Variants in TAFA1 observed in about 807,000 individuals in gnomAD.
The protein encoded by TAFA1 is TAFA chemokine like family member 1.
TAFA1 carries 4 observed loss-of-function variants against 18.5 expected under a neutral mutation model. The observed-to-expected ratio is 0.22, with a 90% confidence interval of 0.11 to 0.49. The LOEUF is 0.49. TAFA1 is among the 20% of genes least tolerant of loss of function. The pLI is 0.98. For synonymous variants in TAFA1, 56 were observed against 55.2 expected (o/e 1.01, Z -0.06); for missense variants, 147 against 169.0 (o/e 0.87, Z 0.72).
chr3:68,498,418 G>C (rs1390292101), intron 3 of TAFA1, among the ~76,000 whole-genome samples: 2 of 152,128 alleles, frequency 1.3e-5, no homozygotes, highest in Admixed American at 6.6e-5. Context: ...TTAAACGTAA[G>C]CTGGGGGCTA....
intron 2 of TAFA1, among the ~76,000 whole-genome samples, chr3:68,383,991 G>T (rs924445576): frequency 6.6e-6 from 1 of 151,826 alleles, no homozygotes; most frequent in Admixed American, 6.6e-5. Flanking sequence ...TTTTCTGATG[G>T]TTGTTTGTAT....
intron 2 of TAFA1, among the ~76,000 whole-genome samples, chr3:68,171,001 T>C (rs2066046209): frequency 6.6e-6 from 1 of 152,154 alleles, no homozygotes; most frequent in South Asian, 2.1e-4. Context: ...GGAAGTATGA[T>C]AGGCAGAATA....
chr3:68,129,346 G>A (rs1433449303), intron 2 of TAFA1, among the ~76,000 whole-genome samples: 1 of 152,172 alleles, frequency 6.6e-6, no homozygotes, highest in Non-Finnish European at 1.5e-5. Context: ...TTTAAAAAGA[G>A]CTGTATTGTA....
intron 2 of TAFA1, among the ~76,000 whole-genome samples, chr3:68,048,468 C>T (rs911139672): frequency 1.3e-5 from 2 of 151,614 alleles, no homozygotes; most frequent in Non-Finnish European, 2.9e-5. Flanking sequence ...CCAATTATAC[C>T]CTTTAATTAT....
intron 2 of TAFA1, among the ~76,000 whole-genome samples, chr3:68,057,143 A>G (rs950264209): frequency 1.3e-5 from 2 of 152,332 alleles, no homozygotes; most frequent in Non-Finnish European, 2.9e-5. Flanking sequence ...AACCTGAATC[A>G]ATGTATATTT....
chr3:68,203,086 T>A (rs775304917), intron 2 of TAFA1, among the ~76,000 whole-genome samples: 1 of 151,884 alleles, frequency 6.6e-6, no homozygotes, highest in South Asian at 2.1e-4. Context: ...TCTACACTTC[T>A]GTTTTTTCTT....
intron 2 of TAFA1, among the ~76,000 whole-genome samples, chr3:68,101,819 T>G (rs761353214): frequency 5.9e-4 from 90 of 152,210 alleles, no homozygotes; most frequent in Non-Finnish European, 1.2e-3. Flanking sequence ...TCCTCCTATA[T>G]CCAAGCAGAA....
rs547825195 is a variant in TAFA1 at position 68,234,086 on chromosome 3, G to T, written c.119-183194G>T. ...ACCGTACCTCCACAAAACATAACGA[G>T]ATGGAAGAATACATACAGATTATCC... On this transcript the variant is annotated intron_variant, in intron 2 of 4. Coordinates refer to ENST00000478136, the MANE Select transcript of TAFA1 (RefSeq NM_213609.4). 3.9e-5 allele frequency among the ~76,000 whole-genome samples: 6 copies of T among 152,298 alleles called. No individual in the cohort carries two copies. The East Asian group carries it at 1.2e-3, about 29-fold the overall frequency.
chr3:68,472,533 C>CAA (rs2072019468), intron 3 of TAFA1, among the ~76,000 whole-genome samples: 1 of 141,504 alleles, frequency 7.1e-6, no homozygotes, highest in African/African-American at 2.8e-5. Context: ...CACACACACA[C>CAA]AAATACACAT....
the TAFA1 span, among the ~76,000 whole-genome samples, chr3:67,994,907 G>A: frequency 1.6e-4 from 25 of 152,144 alleles, no homozygotes; most frequent in African/African-American, 3.6e-4. Context: ...TGGAACCAGC[G>A]GTTAGCTTGG....
chr3:67,994,795 C>CTGAAAACTTGTCCTTGCA, the TAFA1 span, among the ~76,000 whole-genome samples: 1 of 152,064 alleles, frequency 6.6e-6, no homozygotes, highest in East Asian at 1.9e-4. Flanking sequence ...TAGAAGATCC[C>CTGAAAACTTGTCCTTGCA]TGAAAACTTG....
In TAFA1 at chr3:68,223,277, T is replaced by C. The variant is rs113562280; in HGVS notation, c.119-194003T>C. 4.2e-3 allele frequency among the ~76,000 whole-genome samples: 647 copies of C among 152,356 alleles called. 2 individuals are homozygous for C. Among genetic ancestry groups the C allele is most frequent in the African/African-American group, 0.015 (622 of 41,586 alleles). On this transcript the variant is annotated intron_variant, in intron 2 of 4. Coordinates refer to ENST00000478136, the MANE Select transcript of TAFA1 (RefSeq NM_213609.4). ...TTCCACTTATACTTGAAAGGAAATC[T>C]CTGCCAATAAGCAAGCTGGAGTTGT...
chr3:68,129,737 A>G (rs2065515060), intron 2 of TAFA1, among the ~76,000 whole-genome samples: 1 of 152,226 alleles, frequency 6.6e-6, no homozygotes, highest in African/African-American at 2.4e-5. Flanking sequence ...GTGTGTCTCA[A>G]TAATAGTCTT....
intron 2 of TAFA1, among the ~76,000 whole-genome samples, chr3:68,052,777 G>A (rs942174843): frequency 6.6e-6 from 1 of 152,110 alleles, no homozygotes. Flanking sequence ...AGTGTTAAAG[G>A]ATAATTTTCA....
intron 3 of TAFA1, among the ~76,000 whole-genome samples, chr3:68,438,531 T>C (rs1413553274): frequency 6.6e-6 from 1 of 152,072 alleles, no homozygotes; most frequent in Non-Finnish European, 1.5e-5. Context: ...CTCTCTACAG[T>C]TATGGGGTCT....
the TAFA1 span, among the ~76,000 whole-genome samples, chr3:67,994,256 A>G: frequency 6.6e-6 from 1 of 152,326 alleles, no homozygotes; most frequent in East Asian, 1.9e-4. Flanking sequence ...AGATGTCTTT[A>G]TAGTTCAGTA....
intron 3 of TAFA1, among the ~76,000 whole-genome samples, chr3:68,528,832 T>C (rs60653583): frequency 0.081 from 12,384 of 152,156 alleles, 1,384 homozygotes; most frequent in East Asian, 0.24. Context: ...TACTCTCACT[T>C]AGTGAAGAAT....
chr3:68,527,957 G>A (rs2073131419), intron 3 of TAFA1, among the ~76,000 whole-genome samples: 1 of 152,082 alleles, frequency 6.6e-6, no homozygotes, highest in Non-Finnish European at 1.5e-5. Context: ...TAGAGGGAAT[G>A]CAATCCTAAT....
chr3:68,068,013 G>T (rs1436264484), intron 2 of TAFA1, among the ~76,000 whole-genome samples: 1 of 152,114 alleles, frequency 6.6e-6, no homozygotes, highest in African/African-American at 2.4e-5. Context: ...ACTCCTTGTT[G>T]CTTCCTTTGA....
Sources: allele counts gnomAD v4.1 joint callset (sites outside exome capture counted in the v4.1 genomes callset), GRCh38; gene constraint gnomAD v4.1.1; transcripts MANE v1.5; gene names NCBI Gene and HGNC (gene_info 2026-07-23, HGNC 2026-07-21).